The following ATP6V1E1 variants were observed in gnomAD, a reference collection of about 807,000 sequenced individuals.
The protein encoded by ATP6V1E1 is V-type proton ATPase subunit E 1.
Under a neutral mutation model 35.2 loss-of-function variants are expected in ATP6V1E1, and 21 were observed. The ratio of observed to expected loss-of-function variants is 0.60; its 90% CI spans 0.42 to 0.86. ATP6V1E1 has a LOEUF of 0.86. Ranked by LOEUF, ATP6V1E1 falls within the 40% of genes least tolerant of loss-of-function variation. ATP6V1E1 has a pLI of 0.00. For synonymous variants in ATP6V1E1, 83 were observed against 87.8 expected (o/e 0.95, Z 0.30); for missense variants, 183 against 272.6 (o/e 0.67, Z 2.32).
At chr22:17,607,121 A>AT (rs1181763775) in intron 4 of ATP6V1E1, among the ~76,000 whole-genome samples, 1 of 151,302 alleles carries the variant, frequency 6.6e-6, no homozygotes, top group Non-Finnish European at 1.5e-5. Context: ...AAACACAATG[A>AT]TTTTTTTCAC....
intron 4 of ATP6V1E1, among the ~76,000 whole-genome samples, chr22:17,606,923 TCC>T (rs1021644738): frequency 2.6e-5 from 4 of 152,178 alleles, no homozygotes; most frequent in African/African-American, 9.6e-5. Flanking sequence ...ATAACTGCTT[TCC>T]CCCACATTTC....
chr22:17,623,301 A>G (rs1348041111), intron 1 of ATP6V1E1, among the ~76,000 whole-genome samples: 1 of 152,154 alleles, frequency 6.6e-6, no homozygotes, highest in East Asian at 1.9e-4. Context: ...AGCTCCACAA[A>G]TTTGGGAGTA....
intron 8 of ATP6V1E1, 66 bp downstream of exon 8, chr22:17,594,463 C>T (rs1295255008): frequency 1.6e-6 from 2 of 1,228,298 alleles, no homozygotes; most frequent in Non-Finnish European, 2.2e-6. Context: ...AGTGAATGGA[C>T]ACGTGTTCTC....
At chr22:17,625,702 T>C (rs1202789071) in intron 1 of ATP6V1E1, among the ~76,000 whole-genome samples, 3 of 152,178 alleles carry the variant, frequency 2.0e-5, no homozygotes, top group Non-Finnish European at 4.4e-5. Context: ...AAATTAAAAC[T>C]GCAGCCTTAA....
chr22:17,595,887 T>C (rs1327220838), intron 7 of ATP6V1E1, among the ~76,000 whole-genome samples: 2 of 151,998 alleles, frequency 1.3e-5, no homozygotes, highest in South Asian at 2.1e-4. Flanking sequence ...TCCCAGCTCT[T>C]TGAGAGGCCG....
intron 4 of ATP6V1E1, among the ~76,000 whole-genome samples, chr22:17,609,624 A>T (rs1411889309): frequency 1.3e-5 from 2 of 150,790 alleles, no homozygotes; most frequent in Non-Finnish European, 3.0e-5. Context: ...GCCCACCACC[A>T]CGCCCGGCTA....
At chr22:17,615,292 C>T (rs2057838059) in intron 2 of ATP6V1E1, among the ~76,000 whole-genome samples, 1 of 151,836 alleles carries the variant, frequency 6.6e-6, no homozygotes, top group Non-Finnish European at 1.5e-5. Flanking sequence ...CAGAGCAAGA[C>T]TCCATCCAAA....
At chr22:17,627,926 T>C (rs905028264) in intron 1 of ATP6V1E1, among the ~76,000 whole-genome samples, 4 of 149,212 alleles carry the variant, frequency 2.7e-5, no homozygotes, top group African/African-American at 9.8e-5. Context: ...TTTCCTATCA[T>C]ATAGCCTTAA....
chr22:17,597,532 G>A (rs2057738233), intron 7 of ATP6V1E1, among the ~76,000 whole-genome samples: 1 of 152,070 alleles, frequency 6.6e-6, no homozygotes, highest in South Asian at 2.1e-4. Flanking sequence ...TTACTTAGAA[G>A]AAGGGAGTAT....
intron 4 of ATP6V1E1, among the ~76,000 whole-genome samples, chr22:17,606,898 T>C (rs143530845): frequency 2.1e-3 from 318 of 152,340 alleles, no homozygotes; most frequent in African/African-American, 7.3e-3. Context: ...CCTTGGCTTC[T>C]CTGTATTCTC....
chr22:17,597,211 C>T (rs1217602247), intron 7 of ATP6V1E1, among the ~76,000 whole-genome samples: 1 of 151,024 alleles, frequency 6.6e-6, no homozygotes, highest in African/African-American at 2.5e-5. Flanking sequence ...CACTGTACTC[C>T]AGCCTGGGTG....
At chr22:17,594,507 C>G in intron 8 of ATP6V1E1, 22 bp downstream of exon 8, 1 of 1,517,780 alleles carries the variant, frequency 6.6e-7, no homozygotes, top group Non-Finnish European at 8.9e-7. Context: ...GACCAACTAC[C>G]AAGAAGTACC....
chr22:17,621,988 T>C lies in ATP6V1E1; in HGVS notation c.34-2462A>G, dbSNP rs558271307. ...TCCAATGAAGGCTTCCGAATGGGGC[T>C]TGGGGAATAATCCAACTTAGACTCA... On this transcript the variant is annotated intron_variant, in intron 1 of 8. Transcript: ENST00000253413. Among the ~76,000 whole-genome samples the C allele has an allele frequency of 2.0e-5, 3 of 152,302 alleles. No homozygotes were observed. The South Asian group carries it at 6.2e-4, about 32-fold the overall frequency.
At position 17,619,488 on chromosome 22, in the gene ATP6V1E1, A is replaced by T; in HGVS notation, c.72T>A (p.Asn24Lys). 1 of 1,605,798 alleles carries T rather than the reference A, an allele frequency of 6.2e-7. No individual in the cohort carries two copies. The highest frequency in any genetic ancestry group is 8.5e-7 in the Non-Finnish European group (1 of 1,176,744). Residue 24 changes from asparagine (N) to lysine (K), a missense_variant, in exon 2 of 9, where the codon AAT becomes AAA. Coordinates refer to ENST00000253413, the MANE Select transcript of ATP6V1E1 (RefSeq NM_001696.4). ...TTGCATCTATTTCTTCTGCTTTCTC[A>T]TTGGCTTCTTGTTCAATGAAAGCCA... ...HMMAFIEQEA[N>K]EKAEEIDAKA...
chr22:17,622,413 C>T (rs2057882178), intron 1 of ATP6V1E1, among the ~76,000 whole-genome samples: 1 of 152,128 alleles, frequency 6.6e-6, no homozygotes, highest in Non-Finnish European at 1.5e-5. Flanking sequence ...TGTAAACAAT[C>T]CCCATAGCAG....
chr22:17,609,564 GT>G (rs1205808927), intron 4 of ATP6V1E1, among the ~76,000 whole-genome samples: 22 of 149,284 alleles, frequency 1.5e-4, no homozygotes, highest in African/African-American at 5.2e-4. Flanking sequence ...GGCCTCCTGG[GT>G]TCACGCCTTT....
intron 2 of ATP6V1E1, among the ~76,000 whole-genome samples, chr22:17,614,579 G>A (rs1465570865): frequency 6.6e-6 from 1 of 151,786 alleles, no homozygotes; most frequent in East Asian, 1.9e-4. Context: ...GGGAGAGGTA[G>A]GAGAAATGCT....
intron 1 of ATP6V1E1, among the ~76,000 whole-genome samples, chr22:17,623,751 G>A (rs187908235): frequency 2.9e-4 from 44 of 151,980 alleles, no homozygotes; most frequent in South Asian, 8.3e-4. Context: ...ACCCTGATTC[G>A]GACCTGGATT....
intron 1 of ATP6V1E1, among the ~76,000 whole-genome samples, chr22:17,621,680 CTTATTT>C (rs1393792101): frequency 1.3e-5 from 2 of 152,170 alleles, no homozygotes; most frequent in Non-Finnish European, 2.9e-5. Flanking sequence ...CCATACTAAA[CTTATTT>C]CAGTTCCTTG....
Sources: allele counts gnomAD v4.1 joint callset (sites outside exome capture counted in the v4.1 genomes callset), GRCh38; gene constraint gnomAD v4.1.1; transcripts MANE v1.5; gene names NCBI Gene and HGNC (gene_info 2026-07-23, HGNC 2026-07-21).